The following ERC2 variants were observed in gnomAD, a reference collection of about 807,000 sequenced individuals.
The protein encoded by ERC2 is ERC protein 2.
In ERC2, 42 loss-of-function variants were observed where a neutral mutation model predicts 114.8. That is an observed-to-expected ratio of 0.37 (90% CI 0.29 to 0.47). The LOEUF is 0.47. Among genes scored for constraint, ERC2 ranks in the 20% least tolerant of loss-of-function variants. The pLI is 0.99. For missense variants in ERC2, 939 were observed against 1,150.7 expected (o/e 0.82, Z 2.66); for synonymous variants, 454 against 425.5 (o/e 1.07, Z -0.82).
intron 14 of ERC2, among the ~76,000 whole-genome samples, chr3:55,862,161 A>G (rs2062058063): frequency 6.6e-6 from 1 of 152,154 alleles, no homozygotes; most frequent in African/African-American, 2.4e-5. Flanking sequence ...ATACACATAT[A>G]TGTATTTTAT....
chr3:55,779,684 G>A (rs1014776264), intron 14 of ERC2, among the ~76,000 whole-genome samples: 6 of 152,182 alleles, frequency 3.9e-5, no homozygotes, highest in Middle Eastern at 3.4e-3. Context: ...ATACAAACAC[G>A]GCCAAGTAGG....
At chr3:55,780,708 G>A (rs1232016342) in intron 14 of ERC2, among the ~76,000 whole-genome samples, 1 of 152,120 alleles carries the variant, frequency 6.6e-6, no homozygotes, top group African/African-American at 2.4e-5. Context: ...CTCCTCTGTG[G>A]CACACGCCAA....
chr3:56,343,301 T>C (rs898083917), intron 2 of ERC2, among the ~76,000 whole-genome samples: 2 of 151,564 alleles, frequency 1.3e-5, no homozygotes, highest in Non-Finnish European at 1.5e-5. Context: ...CCCATTAGAA[T>C]GAAACTCCAC....
intron 2 of ERC2, among the ~76,000 whole-genome samples, chr3:56,425,097 G>A (rs780485791): frequency 6.6e-6 from 1 of 151,970 alleles, no homozygotes; most frequent in Non-Finnish European, 1.5e-5. Flanking sequence ...GCATCTGGTC[G>A]CCCTTCATCC....
At chr3:55,629,813 C>T (rs529536844) in intron 17 of ERC2, among the ~76,000 whole-genome samples, 96 of 152,280 alleles carry the variant, frequency 6.3e-4, no homozygotes, top group African/African-American at 2.0e-3. Flanking sequence ...ACAGACAGGA[C>T]CTGGAGGGTG....
In ERC2 at chr3:56,182,055, T is replaced by C. The variant is rs184692066; in HGVS notation, c.1075-8535A>G. 2.3e-3 allele frequency among the ~76,000 whole-genome samples: 345 copies of C among 152,304 alleles called. 5 individuals carry two copies. The highest frequency in any genetic ancestry group is 5.6e-3 in the South Asian group (27 of 4,820). ...GAGTCTGTGAGATAATAAAGGTTTG[T>C]TGTTTTAAGCCATTAAATTTGGGGT... On this transcript the variant is annotated intron_variant, in intron 3 of 17. Coordinates refer to ENST00000288221, the MANE Select transcript of ERC2 (RefSeq NM_015576.3).
intron 6 of ERC2, among the ~76,000 whole-genome samples, chr3:56,132,431 TG>T (rs2080256482): frequency 6.6e-6 from 1 of 152,244 alleles, no homozygotes; most frequent in African/African-American, 2.4e-5. Flanking sequence ...AGAAAAATGC[TG>T]CCACGGGCTC....
At chr3:55,804,318 G>T (rs1435514177) in intron 14 of ERC2, among the ~76,000 whole-genome samples, 1 of 152,076 alleles carries the variant, frequency 6.6e-6, no homozygotes, top group Admixed American at 6.5e-5. Flanking sequence ...AAGCTCCCAT[G>T]TACCCATTAA....
chr3:55,667,709 C>T (rs1460262368), intron 17 of ERC2, among the ~76,000 whole-genome samples: 1 of 152,192 alleles, frequency 6.6e-6, no homozygotes, highest in African/African-American at 2.4e-5. Context: ...ACTCACTTTG[C>T]CCCCCAACAA....
At chr3:56,246,908 G>A (rs1057023870) in intron 3 of ERC2, among the ~76,000 whole-genome samples, 7 of 152,216 alleles carry the variant, frequency 4.6e-5, no homozygotes, top group African/African-American at 1.7e-4. Context: ...GGCATGGATG[G>A]ATCCCATGGA....
chr3:55,818,220 G>A (rs2059980772), intron 14 of ERC2, among the ~76,000 whole-genome samples: 1 of 152,146 alleles, frequency 6.6e-6, no homozygotes, highest in Non-Finnish European at 1.5e-5. Context: ...TGTGTGCCAA[G>A]CTCCACACTC....
At chr3:56,283,008 T>C (rs187005016) in intron 3 of ERC2, among the ~76,000 whole-genome samples, 19 of 152,334 alleles carry the variant, frequency 1.2e-4, no homozygotes, top group East Asian at 1.9e-4. Context: ...GCCTGTGTCA[T>C]TGTGTCTCAG....
intron 17 of ERC2, among the ~76,000 whole-genome samples, chr3:55,633,119 A>T (rs945462006): frequency 1.3e-5 from 2 of 152,188 alleles, no homozygotes; most frequent in African/African-American, 4.8e-5. Context: ...AGGATAAGTA[A>T]CCAATGTCTA....
chr3:55,785,730 G>C (rs552228524), intron 14 of ERC2, among the ~76,000 whole-genome samples: 32 of 152,170 alleles, frequency 2.1e-4, no homozygotes, highest in Non-Finnish European at 4.0e-4. Context: ...CTCTTGACTA[G>C]ATCTATACAA....
At chr3:56,346,490 T>C (rs183924843) in intron 2 of ERC2, among the ~76,000 whole-genome samples, 102 of 152,284 alleles carry the variant, frequency 6.7e-4, no homozygotes, top group Non-Finnish European at 9.3e-4. Flanking sequence ...GAAAAAAAGT[T>C]TATGTGGCTC....
At chr3:56,205,449 G>C (rs922980350) in intron 3 of ERC2, among the ~76,000 whole-genome samples, 1 of 152,164 alleles carries the variant, frequency 6.6e-6, no homozygotes, top group African/African-American at 2.4e-5. Flanking sequence ...TCTAGCATCT[G>C]ATTAATGTCT....
chr3:56,384,913 T>C (rs112529957), intron 2 of ERC2, among the ~76,000 whole-genome samples: 6 of 152,188 alleles, frequency 3.9e-5, no homozygotes, highest in Non-Finnish European at 7.3e-5. Context: ...TATCCAGTTT[T>C]TCCAACAACA....
intron 10 of ERC2, among the ~76,000 whole-genome samples, chr3:55,997,907 TGTG>T (rs151335938): frequency 0.029 from 743 of 25,820 alleles, 36 homozygotes; most frequent in Non-Finnish European, 0.046. Context: ...TTTTTTTTTT[TGTG>T]TGTGTGTGTG....
At chr3:56,235,615 G>A (rs543780032) in intron 3 of ERC2, among the ~76,000 whole-genome samples, 6 of 152,224 alleles carry the variant, frequency 3.9e-5, no homozygotes, top group South Asian at 2.1e-4. Flanking sequence ...CTCCCTGACC[G>A]AGTCCAAGTT....
Sources: gnomAD v4.1 joint callset for allele counts (sites outside exome capture counted in the v4.1 genomes callset) on GRCh38, gnomAD v4.1.1 for gene constraint, MANE v1.5 for transcripts, NCBI Gene and HGNC (gene_info 2026-07-23, HGNC 2026-07-21) for gene names.